The following WNK4 variants were observed in gnomAD, a reference collection of about 807,000 sequenced individuals.
The protein encoded by WNK4 is WNK lysine deficient protein kinase 4.
In WNK4, 94 loss-of-function variants were observed where a neutral mutation model predicts 116.2. The ratio of observed to expected loss-of-function variants is 0.81; its 90% CI spans 0.68 to 0.96. WNK4 has a LOEUF of 0.96. Among genes scored for constraint, WNK4 ranks in the 40% least tolerant of loss-of-function variants. The pLI is 0.00. For synonymous variants in WNK4, 655 were observed against 672.7 expected (o/e 0.97, Z 0.41); for missense variants, 1,542 against 1,650.6 (o/e 0.93, Z 1.14).
intron 2 of WNK4, 72 bp downstream of exon 2, chr17:42,783,002 G>C: frequency 6.4e-7 from 1 of 1,566,560 alleles, no homozygotes. Flanking sequence ...GAACTCCCAG[G>C]CTCCTCAAAC....
rs755426868 is a variant in WNK4 at position 42,788,775 on chromosome 17, C to T, written c.2135C>T (p.Pro712Leu). 11 of 1,613,868 alleles carry T rather than the reference C, an allele frequency of 6.8e-6. No individual in the cohort carries two copies. Among genetic ancestry groups the T allele is most frequent in the Admixed American group, 1.7e-5 (1 of 59,986 alleles). The change falls in exon 11 of 19, where the codon CCG (proline) becomes CTG (leucine). Residue 712 changes from proline (P) to leucine (L), a missense_variant. Physicochemically the swap from Pro to Leu is moderately conservative, Grantham distance 98. Coordinates refer to ENST00000246914, the MANE Select transcript of WNK4 (RefSeq NM_032387.5). ...CGATTTGATCTGGATGGGGACAGCC[C>T]GGAAGAGATTGCAGCTGCCATGGTG... ...TFRFDLDGDS[P>L]EEIAAAMVYN...
In WNK4 at chr17:42,795,742, C is replaced by T. The variant is rs1212745474; in HGVS notation, c.3140C>T (p.Pro1047Leu). The change falls in exon 16 of 19, where the codon CCT (proline) becomes CTT (leucine). Residue 1047 changes from proline to leucine, a missense_variant. By Grantham distance (98) the Pro-to-Leu change is moderately conservative. This residue lies in a region of WNK4 where 292 missense variants were observed against 290.1 expected (regional missense o/e 1.01). Transcript: ENST00000246914. ...TCTGGTTCTCCAAAACCTTCAACCC[C>T]TCAGCTCACTTCAGAGAGCTCAGAT... is the stretch of plus-strand genomic sequence containing the variant. ...TLSGSPKPST[P>L]QLTSESSDTE... 6.2e-7 allele frequency: 1 copy of T among 1,613,658 alleles called. No homozygotes were observed. The highest frequency in any genetic ancestry group is 8.5e-7 in the Non-Finnish European group (1 of 1,180,046).
chr17:42,780,668 T>C lies in WNK4; in HGVS notation c.-31T>C. ...GGCCGCCTCCTCTCCGGCCGTCTGA[T>C]TTTCTACCCTTCGGCGCCCTGCTCT... is the stretch of plus-strand genomic sequence containing the variant. On this transcript the variant is annotated 5_prime_UTR_variant, in exon 1 of 19. Transcript: ENST00000246914. 1 of 1,602,302 alleles carries C rather than the reference T, an allele frequency of 6.2e-7. No individual in the cohort carries two copies. Among genetic ancestry groups the C allele is most frequent in the African/African-American group, 1.3e-5 (1 of 74,772 alleles).
intron 13 of WNK4, 42 bp downstream of exon 13, chr17:42,794,710 G>T (rs752842818): frequency 1.9e-6 from 3 of 1,613,792 alleles, no homozygotes; most frequent in Non-Finnish European, 2.5e-6. Flanking sequence ...AACCCCTGGG[G>T]TTGCTCCTGG....
chr17:42,791,556 T>G (rs1309168568), intron 11 of WNK4, among the ~76,000 whole-genome samples: 1 of 151,918 alleles, frequency 6.6e-6, no homozygotes, highest in Non-Finnish European at 1.5e-5. Flanking sequence ...GGAGAATCAC[T>G]TGAACCCAGG....
At chr17:42,787,196 C>G in intron 6 of WNK4, 82 bp from the exon 7 acceptor site, 1 of 1,590,568 alleles carries the variant, frequency 6.3e-7, no homozygotes, top group Non-Finnish European at 8.5e-7. Flanking sequence ...CTCCCATATC[C>G]TGGAGTTCCC....
At chr17:42,781,588 A>C (rs2054484216) in intron 1 of WNK4, among the ~76,000 whole-genome samples, 2 of 152,150 alleles carry the variant, frequency 1.3e-5, no homozygotes, top group African/African-American at 4.8e-5. Flanking sequence ...GGTGGAAAAT[A>C]GGATGGGAAG....
rs1173355945 is a variant in WNK4, at chr17:42,784,641, G to C, written c.1170+62G>C. The C allele has an allele frequency of 6.2e-7, 1 of 1,600,914 alleles. No individual in the cohort carries two copies. The highest frequency in any genetic ancestry group is 8.5e-7 in the Non-Finnish European group (1 of 1,174,342). On this transcript the variant is annotated intron_variant, in intron 4 of 18. Transcript: ENST00000246914. The surrounding 1 kb of genome is among the most constrained non-coding windows in gnomAD (Gnocchi z 4.4). ...GGGCCACTTCCCCTTTTCCTGCGCC[G>C]GCCAGCCCGCAGTCAATGCCCTTTG... is the stretch of plus-strand genomic sequence containing the variant.
In WNK4 at chr17:42,782,638, T is replaced by G; in HGVS notation, c.619-120T>G. 1 of 1,179,088 alleles carries G rather than the reference T, an allele frequency of 8.5e-7. No homozygotes were observed. The highest frequency in any genetic ancestry group is 1.3e-5 in the South Asian group (1 of 75,930). 73.0% of individuals were successfully genotyped at this position (1,179,088 alleles called of 1,614,324 possible). A position where few individuals can be genotyped will look rare whatever the true frequency, so the allele number is the denominator to read the frequency against. On this transcript the variant is annotated intron_variant, in intron 1 of 18. Transcript: ENST00000246914. The surrounding 1 kb of genome is among the most constrained non-coding windows in gnomAD (Gnocchi z 4.2). Reference sequence around the variant, plus strand: ...CAGCCCACTGGGCAAGTAATCCCATTAACCCCACCCCATCTGTGGGCTCCA... The same window carrying G: ...CAGCCCACTGGGCAAGTAATCCCATGAACCCCACCCCATCTGTGGGCTCCA...
chr17:42,788,563 T>C, intron 10 of WNK4, 118 bp from the exon 11 acceptor site: 1 of 1,123,352 alleles, frequency 8.9e-7, no homozygotes, highest in Non-Finnish European at 1.4e-6. Flanking sequence ...ACTTTAGAGG[T>C]GGGGTCTACT....
In WNK4 at chr17:42,794,803, C is replaced by G. The variant is rs56231972; in HGVS notation, c.2382C>G (p.His794Gln). 4.1e-5 allele frequency: 66 copies of G among 1,614,022 alleles called. No homozygotes were observed. The East Asian group carries it at 1.2e-3, about 30-fold the overall frequency. The part of the protein sequence containing the change: ...EELQSSTSLE[H>Q]RSWTAFSTSS... ...TCCAGAGCAGCACCTCCCTGGAGCA[C>G]AGGAGCTGGACAGCCTTCTCCACCT... is the stretch of plus-strand genomic sequence containing the variant. Residue 794 changes from histidine to glutamine, a missense_variant, in exon 14 of 19, where the codon CAC becomes CAG. This residue lies in a region of WNK4 where 808 missense variants were observed against 873.6 expected (regional missense o/e 0.92). Transcript: ENST00000246914.
In WNK4 at chr17:42,784,625, C is replaced by T. The variant is rs2054523035; in HGVS notation, c.1170+46C>T. The T allele has an allele frequency of 5.0e-6, 8 of 1,611,366 alleles. No homozygotes were observed. In the South Asian group the frequency reaches 6.6e-5, roughly 13 times the overall value. ...GGGAAAGGCAATTCCAGGGCCACTT[C>T]CCCTTTTCCTGCGCCGGCCAGCCCG... On this transcript the variant is annotated intron_variant, in intron 4 of 18. Transcript: ENST00000246914. This position sits in a 1 kb window ranked among gnomAD's most constrained non-coding sequence, Gnocchi z 4.4.
intron 6 of WNK4, among the ~76,000 whole-genome samples, chr17:42,785,821 C>T (rs1194938750): frequency 6.6e-6 from 1 of 152,134 alleles, no homozygotes; most frequent in Non-Finnish European, 1.5e-5. Context: ...ATGATCAGAA[C>T]CATCGATTTC....
In WNK4 at chr17:42,795,854, T is replaced by A; in HGVS notation, c.3252T>A (p.Val1084=). 6.2e-7 allele frequency: 1 copy of A among 1,613,208 alleles called. No homozygotes were observed. The highest frequency in any genetic ancestry group is 1.1e-5 in the South Asian group (1 of 91,056). The change falls in exon 16 of 19, where the codon GTT becomes GTA. Residue 1084 remains valine (V), a synonymous_variant. Coordinates refer to ENST00000246914, the MANE Select transcript of WNK4 (RefSeq NM_032387.5). ...DRAAEGLGAG[V]EEEGDDGKEP... is the part of the protein sequence containing the mutation. ...CAGCTGAGGGTCTGGGGGCTGGAGTTGAGGAGGAAGGAGATGATGGGAAGG... is the reference window on the plus strand; with the variant it reads ...CAGCTGAGGGTCTGGGGGCTGGAGTAGAGGAGGAAGGAGATGATGGGAAGG...
rs117902541 is a variant in WNK4 at position 42,796,209 on chromosome 17, C to A, written c.3518C>A (p.Pro1173Gln). The stretch of plus-strand genomic sequence containing the variant: ...AGCCGGCTGGGGAAGCAGCCCCCAC[C>A]GGGTATTGTGGCCCCAGCTGCTATG... Reference protein sequence around the residue: ...LYSRLGKQPPPGIVAPAAMLS... With the variant: ...LYSRLGKQPPQGIVAPAAMLS... Residue 1173 changes from proline (P) to glutamine (Q), a missense_variant, in exon 17 of 19, where the codon CCG becomes CAG. Transcript: ENST00000246914. The A allele has an allele frequency of 5.1e-5, 82 of 1,613,894 alleles. No homozygotes were observed. The East Asian group carries it at 1.3e-3, about 26-fold the overall frequency.
Position 42,794,851 on chromosome 17 carries a change from T to C in WNK4, c.2430T>C (p.Pro810=). ...CCTCCTCATCTTCTCCTGGAACTCC[T>C]TTGTCTCCTGGAAACCCATTTTCCC... ...FSTSSSSPGT[P]LSPGNPFSPG... is the part of the protein sequence containing the mutation. The change falls in exon 14 of 19, where the codon CCT becomes CCC. Residue 810 remains proline (P), a synonymous_variant. Coordinates refer to ENST00000246914, the MANE Select transcript of WNK4 (RefSeq NM_032387.5). 2 of 1,613,804 alleles carry C rather than the reference T, an allele frequency of 1.2e-6. No homozygotes were observed. The highest frequency in any genetic ancestry group is 1.7e-6 in the Non-Finnish European group (2 of 1,179,930).
In WNK4 at chr17:42,785,345, G is replaced by T; in HGVS notation, c.1339G>T (p.Asp447Tyr). The T allele has an allele frequency of 6.2e-7, 1 of 1,611,098 alleles. No homozygotes were observed. Among genetic ancestry groups the T allele is most frequent in the Non-Finnish European group, 8.5e-7 (1 of 1,178,798 alleles). Residue 447 changes from aspartate to tyrosine, a missense_variant, in exon 6 of 19, where the codon GAC becomes TAC. Physicochemically the swap from Asp to Tyr is radical, Grantham distance 160. This residue lies in a region of WNK4 where 808 missense variants were observed against 873.6 expected (regional missense o/e 0.92). Transcript: ENST00000246914. ...GCACGTGGAACTAGCGGAGGAGGAC[G>T]ACGGCGAGAAGCCGGGCCTCAAGCT... ...GVHVELAEED[D>Y]GEKPGLKLWL...
At position 42,788,373 on chromosome 17, in the gene WNK4, G is replaced by A. The variant is rs146190504; in HGVS notation, c.2006G>A (p.Arg669Gln). The change falls in exon 10 of 19, where the codon CGG becomes CAG. Residue 669 changes from arginine (R) to glutamine (Q), a missense_variant. Physicochemically the swap from Arg to Gln is conservative, Grantham distance 43. Around this residue, in one of 7 missense-constraint regions of WNK4, gnomAD observed 808 missense variants for 873.6 expected, o/e 0.92. Coordinates refer to ENST00000246914, the MANE Select transcript of WNK4 (RefSeq NM_032387.5). The stretch of plus-strand genomic sequence containing the variant: ...AGGAGACCCCCAGGGAGGAATCTCC[G>A]GCGCAGACCCCGATCCCGGCTGCGG... ...QMRRPPGRNL[R>Q]RRPRSRLRVT... 3.2e-5 allele frequency: 51 copies of A among 1,613,238 alleles called. No individual in the cohort carries two copies. In the Admixed American group the frequency reaches 6.5e-4, roughly 21 times the overall value.
intron 6 of WNK4, among the ~76,000 whole-genome samples, chr17:42,786,445 T>G (rs2054550324): frequency 6.6e-6 from 1 of 152,098 alleles, no homozygotes. Context: ...CAGGCTGGAG[T>G]GCAGTGGCGC....
Sources: allele counts gnomAD v4.1 joint callset (sites outside exome capture counted in the v4.1 genomes callset), GRCh38; gene constraint gnomAD v4.1.1; regional missense constraint gnomAD v4.1.1; non-coding constraint Gnocchi (gnomAD v3.1); transcripts MANE v1.5; gene names NCBI Gene and HGNC (gene_info 2026-07-23, HGNC 2026-07-21).